MGAT4D: variants seen among roughly 807,000 people sequenced by gnomAD.
MGAT4D encodes MGAT4 family member D.
MGAT4D carries 34 observed loss-of-function variants against 15.9 expected under a neutral mutation model. That is an observed-to-expected ratio of 2.14 (90% CI 1.62 to 2.84). The LOEUF (loss-of-function observed/expected upper bound fraction) is 2.84. Among genes scored for constraint, MGAT4D ranks in the 30% most tolerant of loss-of-function variants. MGAT4D has a pLI of 0.00. For synonymous variants in MGAT4D, 112 were observed against 48.2 expected (o/e 2.33, Z -5.49); for missense variants, 327 against 140.2 (o/e 2.33, Z -6.73).
intron 9 of MGAT4D, among the ~76,000 whole-genome samples, chr4:140,454,951 T>C (rs938053095): frequency 6.6e-6 from 1 of 152,144 alleles, no homozygotes; most frequent in African/African-American, 2.4e-5. Flanking sequence ...ACTTTCTTAC[T>C]AATGTTGATA....
At chr4:140,486,437 C>T (rs893635016) in intron 1 of MGAT4D, among the ~76,000 whole-genome samples, 1 of 152,044 alleles carries the variant, frequency 6.6e-6, no homozygotes, top group African/African-American at 2.4e-5. Flanking sequence ...ATGTGCTGCA[C>T]ACATCAACCT....
intron 1 of MGAT4D, among the ~76,000 whole-genome samples, chr4:140,484,550 T>C (rs1235539597): frequency 6.6e-6 from 1 of 152,028 alleles, no homozygotes; most frequent in African/African-American, 2.4e-5. Flanking sequence ...AATTGACAAA[T>C]GGGATCTAAT....
intron 1 of MGAT4D, among the ~76,000 whole-genome samples, chr4:140,488,538 C>A (rs10519561): frequency 0.18 from 26,898 of 152,078 alleles, 2,923 homozygotes; most frequent in East Asian, 0.42. Flanking sequence ...TTAAGGAGAA[C>A]TGAGGAGTAG....
At chr4:140,468,295 C>A (rs1437798736) in intron 5 of MGAT4D, among the ~76,000 whole-genome samples, 1 of 152,212 alleles carries the variant, frequency 6.6e-6, no homozygotes, top group East Asian at 1.9e-4. Context: ...ATTCTAACTA[C>A]AATACGGCAA....
chr4:140,480,472 TA>T (rs963263689), intron 2 of MGAT4D, among the ~76,000 whole-genome samples: 4 of 151,564 alleles, frequency 2.6e-5, no homozygotes, highest in African/African-American at 7.3e-5. Flanking sequence ...AAACAATACA[TA>T]AAAGAAAAAT....
At chr4:140,465,521 G>C (rs983673940) in intron 5 of MGAT4D, among the ~76,000 whole-genome samples, 4 of 152,114 alleles carry the variant, frequency 2.6e-5, no homozygotes, top group African/African-American at 9.7e-5. Flanking sequence ...ACGTTAATGT[G>C]ATAGATCAAC....
At position 140,498,208 on chromosome 4, in the gene MGAT4D, C is replaced by T. The variant is rs1334562525; in HGVS notation, c.15G>A (p.Gln5=). The T allele has an allele frequency of 2.8e-6, 2 of 702,396 alleles. No homozygotes were observed. Among genetic ancestry groups the T allele is most frequent in the South Asian group, 1.5e-5 (1 of 67,548 alleles). The allele number at this position is 702,396 out of a possible 1,614,324, so 43.5% of individuals were successfully genotyped here. ...CGACCAGGGTGATCAGCAAGTTCAC[C>T]TGCTTGGTCCTCATGGCCCTGGCCA... MRTK[Q]VNLLITLVAV... Residue 5 remains glutamine (Q), a synonymous_variant, in exon 1 of 11, where the codon CAG becomes CAA. Coordinates refer to ENST00000511113, the MANE Select transcript of MGAT4D (RefSeq NM_001277353.2).
chr4:140,462,508 A>T (rs1027390718), intron 6 of MGAT4D: 1 of 152,300 alleles, frequency 6.6e-6, no homozygotes, highest in East Asian at 1.9e-4. Context: ...TTACTTGGAA[A>T]GGAAAGGTGG....
intron 10 of MGAT4D, among the ~76,000 whole-genome samples, chr4:140,449,745 G>C (rs1730353299): frequency 7.3e-6 from 1 of 137,088 alleles, no homozygotes; most frequent in Non-Finnish European, 1.6e-5. Flanking sequence ...GGGCAACAGA[G>C]TGAGACTCCT....
At chr4:140,446,511 A>AATG (rs1730132087) in intron 10 of MGAT4D, among the ~76,000 whole-genome samples, 1 of 152,002 alleles carries the variant, frequency 6.6e-6, no homozygotes. Context: ...AGTCAGTGGC[A>AATG]ATGTCTCCTT....
intron 10 of MGAT4D, 103 bp downstream of exon 10, chr4:140,451,307 A>G: frequency 2.5e-6 from 1 of 404,810 alleles, no homozygotes; most frequent in East Asian, 3.5e-5. Flanking sequence ...CTGCTTAAAC[A>G]ACCATATTTT....
intron 1 of MGAT4D, 75 bp downstream of exon 1, chr4:140,498,054 C>G: frequency 1.5e-6 from 1 of 664,296 alleles, no homozygotes; most frequent in Middle Eastern, 2.4e-4. Flanking sequence ...CCCGCCGACC[C>G]TGCCCCGCCT....
chr4:140,457,473 C>T (rs2126706927), intron 8 of MGAT4D: 1 of 151,994 alleles, frequency 6.6e-6, no homozygotes, highest in Non-Finnish European at 1.5e-5. Context: ...ATTTTTTGCA[C>T]CTATTTATGT....
At chr4:140,472,208 CTGAG>C (rs1283039059) in intron 4 of MGAT4D, among the ~76,000 whole-genome samples, 2 of 152,024 alleles carry the variant, frequency 1.3e-5, no homozygotes, top group South Asian at 2.1e-4. Flanking sequence ...TCTTCATTTC[CTGAG>C]TATTATATGA....
At chr4:140,479,945 T>C (rs548869396) in intron 2 of MGAT4D, among the ~76,000 whole-genome samples, 62 of 152,308 alleles carry the variant, frequency 4.1e-4, no homozygotes, top group Admixed American at 1.8e-3. Context: ...GCTACTTTGA[T>C]TAATATCACT....
Position 140,498,212 on chromosome 4 carries a change from T to G in MGAT4D, c.11A>C (p.Lys4Thr), listed in dbSNP as rs1231863899. 5.7e-6 allele frequency: 4 copies of G among 702,350 alleles called. No homozygotes were observed. Among genetic ancestry groups the G allele is most frequent in the South Asian group, 3.0e-5 (2 of 67,544 alleles). The allele number at this position is 702,350 out of a possible 1,614,324, so 43.5% of individuals were successfully genotyped here. A position where few individuals can be genotyped will look rare whatever the true frequency, so the allele number is the denominator to read the frequency against. The change falls in exon 1 of 11, where the codon AAG becomes ACG. Residue 4 changes from lysine to threonine, a missense_variant. Coordinates refer to ENST00000511113, the MANE Select transcript of MGAT4D (RefSeq NM_001277353.2). MRTKQVNLLITLVA... is the reference protein window; with the variant it reads MRTTQVNLLITLVA... ...CAGGGTGATCAGCAAGTTCACCTGC[T>G]TGGTCCTCATGGCCCTGGCCAGGCT...
intron 9 of MGAT4D, among the ~76,000 whole-genome samples, chr4:140,452,315 C>T (rs1444976021): frequency 2.0e-5 from 3 of 152,046 alleles, no homozygotes; most frequent in Admixed American, 2.0e-4. Flanking sequence ...TAATTTTTTA[C>T]ATAACACATT....
chr4:140,456,670 T>TAA lies in MGAT4D; in HGVS notation c.925_926dup (p.Leu309PhefsTer2). On this transcript the variant is annotated frameshift_variant, in exon 9 of 11. Transcript: ENST00000511113. LOFTEE classifies it high-confidence loss of function. ...CTATGGGTTTCTCTTTGTAGAACATTAAAAAAAACCGTACAAAGTGAGTTA... is the reference window on the plus strand; with the variant it reads ...CTATGGGTTTCTCTTTGTAGAACATTAAAAAAAAAACCGTACAAAGTGAGTTA... 2 of 696,204 alleles carry TAA rather than the reference T, an allele frequency of 2.9e-6. No individual in the cohort carries two copies. Among genetic ancestry groups the TAA allele is most frequent in the Non-Finnish European group, 5.2e-6 (2 of 381,732 alleles). The allele number at this position is 696,204 out of a possible 1,614,324, so 43.1% of individuals were successfully genotyped here. A position where few individuals can be genotyped will look rare whatever the true frequency, so the allele number is the denominator to read the frequency against.
chr4:140,454,948 T>C (rs939292797), intron 9 of MGAT4D, among the ~76,000 whole-genome samples: 2 of 151,614 alleles, frequency 1.3e-5, no homozygotes, highest in Non-Finnish European at 2.9e-5. Flanking sequence ...CCCACTTTCT[T>C]ACTAATGTTG....
Sources: allele counts gnomAD v4.1 joint callset (sites outside exome capture counted in the v4.1 genomes callset), GRCh38; gene constraint gnomAD v4.1.1; transcripts MANE v1.5; gene names NCBI Gene and HGNC (gene_info 2026-07-23, HGNC 2026-07-21).